The following RBMS3 variants were observed in gnomAD, a reference collection of about 807,000 sequenced individuals.
RBMS3 encodes RNA-binding motif, single-stranded-interacting protein 3.
In RBMS3, 27 loss-of-function variants were observed where a neutral mutation model predicts 66.8. That is an observed-to-expected ratio of 0.40 (90% CI 0.30 to 0.56). The LOEUF (loss-of-function observed/expected upper bound fraction) is 0.56, where lower values mean the gene tolerates loss of function less well. RBMS3 is among the 20% of genes least tolerant of loss of function. The probability of loss-of-function intolerance (pLI) is 0.40; values close to 1 mark genes in which losing one functional copy is unlikely to be tolerated. For missense variants in RBMS3, 513 were observed against 549.5 expected (o/e 0.93, Z 0.66); for synonymous variants, 188 against 183.0 (o/e 1.03, Z -0.22).
chr3:29,906,809 C>T (rs910381346), intron 10 of RBMS3, among the ~76,000 whole-genome samples: 6 of 151,724 alleles, frequency 4.0e-5, no homozygotes, highest in African/African-American at 1.2e-4. Context: ...CAATATCTAC[C>T]AACTTATCTA....
intron 4 of RBMS3, among the ~76,000 whole-genome samples, chr3:29,600,170 T>C (rs1420190080): frequency 6.6e-6 from 1 of 152,072 alleles, no homozygotes; most frequent in Non-Finnish European, 1.5e-5. Flanking sequence ...TTAATTTCCT[T>C]CTAGAAACCC....
chr3:29,492,216 A>G (rs976836567), intron 3 of RBMS3, among the ~76,000 whole-genome samples: 4 of 152,198 alleles, frequency 2.6e-5, no homozygotes, highest in African/African-American at 7.2e-5. Flanking sequence ...ATGATCAAAA[A>G]TATACTACTA....
At chr3:29,491,212 T>C (rs2043530552) in intron 3 of RBMS3, among the ~76,000 whole-genome samples, 1 of 152,196 alleles carries the variant, frequency 6.6e-6, no homozygotes, top group Non-Finnish European at 1.5e-5. Context: ...CAAATTATAC[T>C]ATGGGTATCC....
intron 4 of RBMS3, among the ~76,000 whole-genome samples, chr3:29,660,120 C>A (rs926097965): frequency 1.3e-5 from 2 of 152,030 alleles, no homozygotes; most frequent in South Asian, 4.1e-4. Flanking sequence ...ATTCCCTTTT[C>A]AGTGTGTTCA....
At chr3:29,623,159 A>T (rs1576380602) in intron 4 of RBMS3, among the ~76,000 whole-genome samples, 1 of 101,340 alleles carries the variant, frequency 9.9e-6, no homozygotes, top group Non-Finnish European at 1.9e-5. Context: ...ATTAAAGGGG[A>T]TTAAATTAAC....
At position 29,930,109 on chromosome 3, in the gene RBMS3, C is replaced by CTTTCTTTCTTTTTTTTTTTTTTTTTT. The variant is rs71091082; in HGVS notation, c.940-5974_940-5973insCTTTCTTTTTTTTTTTTTTTTTTTTT. ...TACTTTGTGTCACTTTTCTTTCTTTCTTTTTTTTTTTTTTTTTTTTGAGAT... is the reference window on the plus strand; with the variant it reads ...TACTTTGTGTCACTTTTCTTTCTTTCTTTCTTTCTTTTTTTTTTTTTTTTTTTTTTTTTTTTTTTTTTTTTTGAGAT... On this transcript the variant is annotated intron_variant, in intron 10 of 14. Transcript: ENST00000383767. Among the ~76,000 whole-genome samples, 7 of 43,566 alleles carry CTTTCTTTCTTTTTTTTTTTTTTTTTT rather than the reference C, an allele frequency of 1.6e-4. 1 individual carries two copies. The highest frequency in any genetic ancestry group is 3.1e-4 in the Admixed American group (1 of 3,218). The allele number at this position is 43,566 out of a possible 152,430, so 28.6% of individuals were successfully genotyped here.
At chr3:29,830,920 A>G (rs1245841692) in intron 6 of RBMS3, among the ~76,000 whole-genome samples, 3 of 152,166 alleles carry the variant, frequency 2.0e-5, no homozygotes, top group Non-Finnish European at 4.4e-5. Flanking sequence ...AAGTGACCTT[A>G]GATTCCAGAT....
rs962180113 is a variant in RBMS3 at position 30,005,143 on chromosome 3, G to GTTCT, written c.*1288_*1291dup. On this transcript the variant is annotated 3_prime_UTR_variant, in exon 15 of 15. Transcript: ENST00000383767. ...TTATTTGACCGACATGGCCGGACCA[G>GTTCT]TTCTTTCTTTGTTGTTTGTTTAAAC... 2 of 150,692 alleles carry GTTCT rather than the reference G, an allele frequency of 1.3e-5. No homozygotes were observed. The highest frequency in any genetic ancestry group is 3.0e-5 in the Non-Finnish European group (2 of 67,464). The allele number at this position is 150,692 out of a possible 1,614,324, so 9.3% of individuals were successfully genotyped here.
At chr3:29,811,723 C>T (rs1010398715) in intron 6 of RBMS3, among the ~76,000 whole-genome samples, 1 of 152,132 alleles carries the variant, frequency 6.6e-6, no homozygotes, top group Non-Finnish European at 1.5e-5. Context: ...TGATTCAGAT[C>T]TCTGTGTCTG....
At chr3:29,420,290 A>G (rs2040655913) in intron 1 of RBMS3, among the ~76,000 whole-genome samples, 1 of 152,184 alleles carries the variant, frequency 6.6e-6, no homozygotes, top group Non-Finnish European at 1.5e-5. Flanking sequence ...CAGCTGAGCC[A>G]GGGCCATCAA....
intron 6 of RBMS3, among the ~76,000 whole-genome samples, chr3:29,855,795 G>A (rs1216773999): frequency 6.6e-6 from 1 of 152,148 alleles, no homozygotes; most frequent in African/African-American, 2.4e-5. Context: ...CAGTTGTCAG[G>A]GTGCCTTCCA....
intron 5 of RBMS3, among the ~76,000 whole-genome samples, chr3:29,742,193 T>A (rs1466012828): frequency 6.6e-6 from 1 of 152,154 alleles, no homozygotes; most frequent in African/African-American, 2.4e-5. Context: ...GTATATGAGA[T>A]CATGAAAGAA....
In RBMS3 at chr3:29,529,245, G is replaced by T. The variant is rs556636598; in HGVS notation, c.307+40746G>T. Among the ~76,000 whole-genome samples, 92 of 152,230 alleles carry T rather than the reference G, an allele frequency of 6.0e-4. 1 individual carries two copies. The highest frequency in any genetic ancestry group is 1.0e-3 in the Non-Finnish European group (70 of 68,010). ...AGGGGATAAGCACTTTGTGATAGAA[G>T]ACCCAAAAACCTACCATATTTGAGA... On this transcript the variant is annotated intron_variant, in intron 3 of 14. Transcript: ENST00000383767.
rs1698561580 is a variant in RBMS3 at position 29,988,175 on chromosome 3, C to T, written c.1131C>T (p.Thr377=). ...CTGCTGCTGCTCCTATGCAAGGGAC[C>T]TACATTCCTCAGTACACGCCTGTGC... The part of the protein sequence containing the change: ...YMTAAAPMQG[T]YIPQYTPVPP... The change falls in exon 13 of 15, where the codon ACC becomes ACT. Residue 377 remains threonine, a synonymous_variant. Transcript: ENST00000383767. 1.2e-6 allele frequency: 2 copies of T among 1,613,308 alleles called. No individual in the cohort carries two copies. The highest frequency in any genetic ancestry group is 1.7e-6 in the Non-Finnish European group (2 of 1,179,394).
intron 4 of RBMS3, among the ~76,000 whole-genome samples, chr3:29,635,099 T>G (rs985661494): frequency 6.6e-6 from 1 of 151,956 alleles, no homozygotes; most frequent in Admixed American, 6.6e-5. Flanking sequence ...CTTCAGAGGT[T>G]TCTGCATTCA....
In RBMS3 at chr3:29,993,854, A is replaced by G. The variant is rs180966674; in HGVS notation, c.1307+2645A>G. On this transcript the variant is annotated intron_variant, in intron 14 of 14. Coordinates refer to ENST00000383767, the MANE Select transcript of RBMS3 (RefSeq NM_001003793.3). ...TGCCAGCTGCAGATCATTGTAGATCATGGGACTTCTCAATCTTAATAATTG... is the reference window on the plus strand; with the variant it reads ...TGCCAGCTGCAGATCATTGTAGATCGTGGGACTTCTCAATCTTAATAATTG... Among the ~76,000 whole-genome samples, 556 of 152,294 alleles carry G rather than the reference A, an allele frequency of 3.7e-3. 1 individual carries two copies. Among genetic ancestry groups the G allele is most frequent in the Non-Finnish European group, 6.9e-3 (469 of 68,020 alleles).
At chr3:29,534,174 GTCT>G (rs754657905) in intron 3 of RBMS3, among the ~76,000 whole-genome samples, 148 of 152,338 alleles carry the variant, frequency 9.7e-4, no homozygotes, top group Admixed American at 5.4e-3. Flanking sequence ...GAAGGATATA[GTCT>G]TCTTTCTTCT....
chr3:29,650,825 C>T lies in RBMS3; in HGVS notation c.399+63620C>T, dbSNP rs182572338. 3.0e-4 allele frequency among the ~76,000 whole-genome samples: 45 copies of T among 152,310 alleles called. No individual in the cohort carries two copies. In the East Asian group the frequency reaches 6.6e-3, roughly 22 times the overall value. ...TTATTAAAGCTGCATTCTTATGAGA[C>T]TAATGCTTCAACCATCTATTTGTAT... On this transcript the variant is annotated intron_variant, in intron 4 of 14. Transcript: ENST00000383767.
chr3:29,339,239 A>ACT, intron 1 of RBMS3, among the ~76,000 whole-genome samples: 1 of 152,290 alleles, frequency 6.6e-6, no homozygotes, highest in African/African-American at 2.4e-5. Flanking sequence ...ACCGACACTA[A>ACT]ATTCACTTCA....
Sources: gnomAD v4.1 joint callset for allele counts (sites outside exome capture counted in the v4.1 genomes callset) on GRCh38, gnomAD v4.1.1 for gene constraint, MANE v1.5 for transcripts, NCBI Gene and HGNC (gene_info 2026-07-23, HGNC 2026-07-21) for gene names.